AADACL2: variants seen among roughly 807,000 people sequenced by gnomAD.
AADACL2 encodes the protein arylacetamide deacetylase-like 2.
A neutral mutation model predicts 22.3 loss-of-function variants in AADACL2; 23 were observed. That is an observed-to-expected ratio of 1.03 (90% CI 0.74 to 1.46). The LOEUF is 1.46. AADACL2 is among the 40% of genes most tolerant of loss of function. AADACL2 has a pLI of 0.00. For missense variants in AADACL2, 472 were observed against 482.9 expected (o/e 0.98, Z 0.21); for synonymous variants, 177 against 166.2 (o/e 1.07, Z -0.50).
In AADACL2 at chr3:151,758,977, A is replaced by G. The variant is rs2107994054; in HGVS notation, c.*1383A>G. 1 of 152,198 alleles carries G rather than the reference A, an allele frequency of 6.6e-6. No homozygotes were observed. The highest frequency in any genetic ancestry group is 3.4e-3 in the Middle Eastern group (1 of 294). The allele number at this position is 152,198 out of a possible 1,614,324, so 9.4% of individuals were successfully genotyped here. A position where few individuals can be genotyped will look rare whatever the true frequency, so the allele number is the denominator to read the frequency against. On this transcript the variant is annotated 3_prime_UTR_variant, in exon 5 of 5. Transcript: ENST00000356517. Reference sequence around the variant, plus strand: ...TTCAACAGTCCACAAACAAAATAAGATTTTTTTAATGTAGAGAGAAATTAA... The same window carrying G: ...TTCAACAGTCCACAAACAAAATAAGGTTTTTTTAATGTAGAGAGAAATTAA...
In AADACL2 at chr3:151,761,226, T is replaced by TATATAC. The variant is rs1331587299; in HGVS notation, c.*3637_*3638insCATATA. The TATATAC allele has an allele frequency of 2.2e-5, 3 of 137,154 alleles. No individual in the cohort carries two copies. In the East Asian group the frequency reaches 6.1e-4, roughly 28 times the overall value. 8.5% of individuals were successfully genotyped at this position (137,154 alleles called of 1,614,324 possible). On this transcript the variant is annotated 3_prime_UTR_variant, in exon 5 of 5. Coordinates refer to ENST00000356517, the MANE Select transcript of AADACL2 (RefSeq NM_207365.4). ...TGTGATATATATATATATATATATA[T>TATATAC]ATATATATATATATATGAATTTGGT...
rs1331491208 is a variant in AADACL2 at position 151,758,774 on chromosome 3, T to C, written c.*1180T>C. The stretch of plus-strand genomic sequence containing the variant: ...TGTTATAAATTTTGAGTATTAAGCA[T>C]AGTCAGTTGAATCCAACTAAGAAGT... On this transcript the variant is annotated 3_prime_UTR_variant, in exon 5 of 5. Transcript: ENST00000356517. 1 of 152,086 alleles carries C rather than the reference T, an allele frequency of 6.6e-6. No individual in the cohort carries two copies. The highest frequency in any genetic ancestry group is 1.5e-5 in the Non-Finnish European group (1 of 67,962). 9.4% of individuals were successfully genotyped at this position (152,086 alleles called of 1,614,324 possible). A position where few individuals can be genotyped will look rare whatever the true frequency, so the allele number is the denominator to read the frequency against.
intron 1 of AADACL2, among the ~76,000 whole-genome samples, chr3:151,735,713 G>A (rs553290401): frequency 2.8e-4 from 43 of 152,300 alleles, no homozygotes; most frequent in Admixed American, 5.2e-4. Flanking sequence ...AGCTGAGATC[G>A]TGCCATTGCA....
At chr3:151,739,491 G>A (rs571623439) in intron 1 of AADACL2, among the ~76,000 whole-genome samples, 29 of 152,192 alleles carry the variant, frequency 1.9e-4, no homozygotes, top group Non-Finnish European at 4.0e-4. Flanking sequence ...ACCATTTGAG[G>A]AGACAGTCTG....
At chr3:151,748,003 T>A (rs1441951429) in intron 4 of AADACL2, among the ~76,000 whole-genome samples, 1 of 152,150 alleles carries the variant, frequency 6.6e-6, no homozygotes, top group East Asian at 1.9e-4. Context: ...CTTTATACAT[T>A]TTGAATATTA....
Position 151,757,461 on chromosome 3 carries a change from G to C in AADACL2, c.1073G>C (p.Gly358Ala). 6.2e-7 allele frequency: 1 copy of C among 1,613,596 alleles called. No homozygotes were observed. The highest frequency in any genetic ancestry group is 1.1e-5 in the South Asian group (1 of 91,052). Reference protein sequence around the residue: ...LMYVTRLRNVGVQVVHEHIED... With the variant: ...LMYVTRLRNVAVQVVHEHIED... The stretch of plus-strand genomic sequence containing the variant: ...TATGTTACAAGACTTCGAAATGTTG[G>C]AGTCCAAGTTGTTCATGAACATATT... Residue 358 changes from glycine (G) to alanine (A), a missense_variant, in exon 5 of 5, where the codon GGA (glycine) becomes GCA (alanine). Gly to Ala is a moderately conservative substitution (Grantham distance 60). This residue lies in a region of AADACL2 where 113 missense variants were observed against 100.9 expected (regional missense o/e 1.12). Coordinates refer to ENST00000356517, the MANE Select transcript of AADACL2 (RefSeq NM_207365.4).
rs1714062758 is a variant in AADACL2, at chr3:151,759,149, A to C, written c.*1555A>C. The C allele has an allele frequency of 6.6e-6, 1 of 152,122 alleles. No homozygotes were observed. Among genetic ancestry groups the C allele is most frequent in the South Asian group, 2.1e-4 (1 of 4,828 alleles). The allele number at this position is 152,122 out of a possible 1,614,324, so 9.4% of individuals were successfully genotyped here. On this transcript the variant is annotated 3_prime_UTR_variant, in exon 5 of 5. Transcript: ENST00000356517. ...AAAATCTAAATGGAGATTTGATACT[A>C]TATGCTATACTACATACACTAAGAA...
Position 151,757,078 on chromosome 3 carries a change from A to T in AADACL2, c.690A>T (p.Pro230=). 6.2e-7 allele frequency: 1 copy of T among 1,613,320 alleles called. No homozygotes were observed. Among genetic ancestry groups the T allele is most frequent in the African/African-American group, 1.3e-5 (1 of 74,976 alleles). ...TACAGATAACAGATTCTTATTTGCC[A>T]TCTCACCGAGAAAATGAGCATGGTA... ...PGLQITDSYL[P]SHRENEHGIV... is the part of the protein sequence containing the mutation. The change falls in exon 5 of 5, where the codon CCA becomes CCT. Residue 230 remains proline (P), a synonymous_variant. Transcript: ENST00000356517.
intron 1 of AADACL2, among the ~76,000 whole-genome samples, chr3:151,734,977 CAGA>C (rs1210674668): frequency 2.6e-5 from 4 of 152,074 alleles, no homozygotes; most frequent in Non-Finnish European, 5.9e-5. Context: ...GAGAAGGCCA[CAGA>C]AGATGATCAG....
At position 151,744,161 on chromosome 3, in the gene AADACL2, G is replaced by T; in HGVS notation, c.430G>T (p.Asp144Tyr). Residue 144 changes from aspartate (D) to tyrosine (Y), a missense_variant and splice_region_variant, in exon 3 of 5, where the codon GAC (aspartate) becomes TAC (tyrosine). Coordinates refer to ENST00000356517, the MANE Select transcript of AADACL2 (RefSeq NM_207365.4). Reference sequence around the variant, plus strand: ...GCTTGATGCTGTTGTTGTAGGCGTGGAGTAAGAATGATTTTTTTCTGGCTA... The same window carrying T: ...GCTTGATGCTGTTGTTGTAGGCGTGTAGTAAGAATGATTTTTTTCTGGCTA... ...NTLDAVVVGV[D>Y]YRLAPQHHFP... 1 of 1,613,266 alleles carries T rather than the reference G, an allele frequency of 6.2e-7. No homozygotes were observed. Among genetic ancestry groups the T allele is most frequent in the Non-Finnish European group, 8.5e-7 (1 of 1,179,520 alleles).
At chr3:151,753,204 G>A (rs1576617202) in intron 4 of AADACL2, among the ~76,000 whole-genome samples, 1 of 152,156 alleles carries the variant, frequency 6.6e-6, no homozygotes, top group Non-Finnish European at 1.5e-5. Context: ...GTCACCTGAA[G>A]TCCATCAGAA....
In AADACL2 at chr3:151,757,500, A is replaced by G. The variant is rs757562619; in HGVS notation, c.1112A>G (p.His371Arg). 6.8e-6 allele frequency: 11 copies of G among 1,613,636 alleles called. No individual in the cohort carries two copies. In the Admixed American group the frequency reaches 1.0e-4, roughly 15 times the overall value. ...VVHEHIEDGI[H>R]GALSFMTSPF... ...CATGAACATATTGAGGATGGAATTC[A>G]TGGAGCTTTATCATTCATGACTTCA... Residue 371 changes from histidine (H) to arginine (R), a missense_variant, in exon 5 of 5, where the codon CAT becomes CGT. Physicochemically the swap from His to Arg is conservative, Grantham distance 29 (BLOSUM62 0). Coordinates refer to ENST00000356517, the MANE Select transcript of AADACL2 (RefSeq NM_207365.4).
intron 1 of AADACL2, among the ~76,000 whole-genome samples, chr3:151,740,286 C>A (rs1441718527): frequency 2.0e-5 from 3 of 152,206 alleles, no homozygotes; most frequent in Admixed American, 6.5e-5. Context: ...TGAAGCAATG[C>A]CCCACCCTGC....
At chr3:151,756,912 T>C (rs1249332221) in intron 4 of AADACL2, 80 bp from the exon 5 acceptor site, 6 of 1,337,292 alleles carry the variant, frequency 4.5e-6, no homozygotes, top group South Asian at 3.4e-5. Flanking sequence ...GTTTATCTTA[T>C]GACTGCTAGA....
In AADACL2 at chr3:151,744,164, T is replaced by A; in HGVS notation, c.431+2T>A. 6.2e-7 allele frequency: 1 copy of A among 1,613,054 alleles called. No individual in the cohort carries two copies. The highest frequency in any genetic ancestry group is 8.5e-7 in the Non-Finnish European group (1 of 1,179,472). ...TGATGCTGTTGTTGTAGGCGTGGAG[T>A]AAGAATGATTTTTTTCTGGCTACTA... is the stretch of plus-strand genomic sequence containing the variant. On this transcript the variant is annotated splice_donor_variant, in intron 3 of 4. Transcript: ENST00000356517. LOFTEE classifies it high-confidence loss of function.
rs778055819 is a variant in AADACL2, at chr3:151,757,311, C to A, written c.923C>A (p.Ser308Ter). ...TEPILGGLSYSLPGLTDSRAL... is the reference protein window; with the variant it reads ...TEPILGGLSY Reference sequence around the variant, plus strand: ...CCAATTCTTGGAGGACTTAGTTATTCATTGCCAGGACTTACAGACAGCAGA... The same window carrying A: ...CCAATTCTTGGAGGACTTAGTTATTAATTGCCAGGACTTACAGACAGCAGA... Residue 308 changes from serine (S) to a stop codon, truncating the protein, a stop_gained, in exon 5 of 5, where the codon TCA (serine) becomes TAA (stop). Coordinates refer to ENST00000356517, the MANE Select transcript of AADACL2 (RefSeq NM_207365.4). LOFTEE classifies it low-confidence loss of function (END_TRUNC). The A allele has an allele frequency of 6.2e-7, 1 of 1,613,744 alleles. No homozygotes were observed. Among genetic ancestry groups the A allele is most frequent in the East Asian group, 2.2e-5 (1 of 44,872 alleles).
chr3:151,735,603 C>T (rs965659279), intron 1 of AADACL2, among the ~76,000 whole-genome samples: 1 of 152,108 alleles, frequency 6.6e-6, no homozygotes, highest in Admixed American at 6.6e-5. Flanking sequence ...ACTAAAAATA[C>T]AAAAATTAGC....
chr3:151,734,314 A>C, intron 1 of AADACL2, 141 bp downstream of exon 1: 1 of 982,138 alleles, frequency 1.0e-6, no homozygotes. Flanking sequence ...TTAATTAAAC[A>C]ACATTAAGTA....
intron 4 of AADACL2, among the ~76,000 whole-genome samples, chr3:151,748,171 C>A (rs560062368): frequency 2.7e-4 from 41 of 152,114 alleles, no homozygotes; most frequent in African/African-American, 9.6e-4. Flanking sequence ...TGGAGTCATA[C>A]CTCCCAAATT....
Sources: gnomAD v4.1 joint callset for allele counts (sites outside exome capture counted in the v4.1 genomes callset) on GRCh38, gnomAD v4.1.1 for gene constraint, gnomAD v4.1.1 regional missense constraint, MANE v1.5 for transcripts, NCBI Gene and HGNC (gene_info 2026-07-23, HGNC 2026-07-21) for gene names.